The following MYO5A variants were observed in gnomAD, a reference collection of about 807,000 sequenced individuals.
The protein encoded by MYO5A is unconventional myosin-Va.
MYO5A carries 98 observed loss-of-function variants against 249.7 expected under a neutral mutation model. The observed-to-expected ratio is 0.39, with a 90% CI of 0.33 to 0.46. The LOEUF is 0.46. MYO5A is among the 20% of genes least tolerant of loss of function. MYO5A has a pLI of 0.98. For synonymous variants in MYO5A, 778 were observed against 810.6 expected, an observed-to-expected ratio of 0.96 and a Z score of 0.68; for missense variants, 1,696 against 2,308.8, an observed-to-expected ratio of 0.73 and a Z score of 5.44.
At chr15:52,316,232 A>C (rs7167437) in intron 40 of MYO5A, among the ~76,000 whole-genome samples, 2 of 84,402 alleles carry the variant, frequency 2.4e-5, no homozygotes. Context: ...AGACTCCGTC[A>C]CAAAAAAAAA....
At chr15:52,361,732 T>A (rs1426043443) in intron 24 of MYO5A, among the ~76,000 whole-genome samples, 1 of 152,210 alleles carries the variant, frequency 6.6e-6, no homozygotes, top group Non-Finnish European at 1.5e-5. Flanking sequence ...AGCAACTTCC[T>A]TGTTGGTAAC....
intron 1 of MYO5A, among the ~76,000 whole-genome samples, chr15:52,500,492 G>A (rs372905982): frequency 7.9e-5 from 12 of 151,970 alleles, no homozygotes; most frequent in Non-Finnish European, 1.5e-4. Flanking sequence ...GATTACAGGC[G>A]TGCGCCACCA....
At chr15:52,345,104 G>C (rs560613660) in intron 30 of MYO5A, among the ~76,000 whole-genome samples, 6 of 152,278 alleles carry the variant, frequency 3.9e-5, no homozygotes, top group Middle Eastern at 3.4e-3. Context: ...CCCTTGGATA[G>C]CAAGATCCAC....
intron 28 of MYO5A, among the ~76,000 whole-genome samples, chr15:52,349,230 C>T (rs2039817994): frequency 6.6e-6 from 1 of 152,210 alleles, no homozygotes; most frequent in Admixed American, 6.5e-5. Context: ...TCCCAGAATA[C>T]TCTAGAGGTG....
At chr15:52,389,039 T>A (rs745847572) in intron 13 of MYO5A, among the ~76,000 whole-genome samples, 199 bp downstream of exon 13, 1 of 151,908 alleles carries the variant, frequency 6.6e-6, no homozygotes, top group Non-Finnish European at 1.5e-5. Flanking sequence ...TTCAGAATTA[T>A]AGAACCATAC....
chr15:52,380,959 A>T (rs971486425), intron 16 of MYO5A, among the ~76,000 whole-genome samples: 6 of 152,220 alleles, frequency 3.9e-5, no homozygotes, highest in African/African-American at 1.2e-4. Context: ...ATATTTTTTT[A>T]AAAATTACTA....
In MYO5A at chr15:52,309,663, G is replaced by C. The variant is rs1350279231; in HGVS notation, c.*4033C>G. On this transcript the variant is annotated 3_prime_UTR_variant, in exon 42 of 42. Transcript: ENST00000399233. ...CTACCGTCCATGCTGCTGTGAGGAT[G>C]AAACGAGGTAACAGAGGAAAGCGCC... 1 of 152,260 alleles carries C rather than the reference G, an allele frequency of 6.6e-6. No homozygotes were observed. Among genetic ancestry groups the C allele is most frequent in the Admixed American group, 6.5e-5 (1 of 15,278 alleles). The allele number at this position is 152,260 out of a possible 1,614,324, so 9.4% of individuals were successfully genotyped here. A position where few individuals can be genotyped will look rare whatever the true frequency, so the allele number is the denominator to read the frequency against.
At chr15:52,436,362 T>C (rs1407622738) in intron 1 of MYO5A, among the ~76,000 whole-genome samples, 1 of 152,222 alleles carries the variant, frequency 6.6e-6, no homozygotes, top group East Asian at 1.9e-4. Context: ...GAACACAGTT[T>C]TGTTTGCTCC....
At chr15:52,382,063 C>T (rs1053742590) in intron 16 of MYO5A, among the ~76,000 whole-genome samples, 11 of 152,110 alleles carry the variant, frequency 7.2e-5, no homozygotes, top group South Asian at 4.2e-4. Context: ...CCACTACACC[C>T]GGCTAATTTT....
chr15:52,500,559 G>T (rs1257659059), intron 1 of MYO5A, among the ~76,000 whole-genome samples: 2 of 151,968 alleles, frequency 1.3e-5, no homozygotes, highest in Admixed American at 6.6e-5. Context: ...TGTTAGCTAG[G>T]CTGGTCTCAA....
Position 52,507,803 on chromosome 15 carries a change from C to CAAAAAAAAAAAAAAAA in MYO5A, c.27+20976_27+20977insTTTTTTTTTTTTTTTT, listed in dbSNP as rs146846192. Among the ~76,000 whole-genome samples, 292 of 126,968 alleles carry CAAAAAAAAAAAAAAAA rather than the reference C, an allele frequency of 2.3e-3. 18 individuals are homozygous for CAAAAAAAAAAAAAAAA. The highest frequency in any genetic ancestry group is 8.9e-3 in the Middle Eastern group (2 of 224). 83.3% of individuals were successfully genotyped at this position (126,968 alleles called of 152,430 possible). A position where few individuals can be genotyped will look rare whatever the true frequency, so the allele number is the denominator to read the frequency against. Reference sequence around the variant, plus strand: ...TGAGCAACAGAATGAGACCCTGTCCCCAAAAAAAAAAAAAAAAAGTGTAAT... The same window carrying CAAAAAAAAAAAAAAAA: ...TGAGCAACAGAATGAGACCCTGTCCCAAAAAAAAAAAAAAAACAAAAAAAAAAAAAAAAAGTGTAAT... On this transcript the variant is annotated intron_variant, in intron 1 of 41. Transcript: ENST00000399233.
At chr15:52,525,155 G>C (rs375240341) in intron 1 of MYO5A, among the ~76,000 whole-genome samples, 7 of 152,304 alleles carry the variant, frequency 4.6e-5, no homozygotes, top group African/African-American at 1.7e-4. Flanking sequence ...CAGAAGCAAT[G>C]AGATATCATA....
chr15:52,391,036 C>T (rs540220177), intron 12 of MYO5A, among the ~76,000 whole-genome samples: 9 of 152,058 alleles, frequency 5.9e-5, no homozygotes, highest in African/African-American at 1.7e-4. Flanking sequence ...ATGTATATAC[C>T]TTGGATACTT....
At chr15:52,318,826 A>G (rs1176527980) in intron 39 of MYO5A, among the ~76,000 whole-genome samples, 1 of 152,162 alleles carries the variant, frequency 6.6e-6, no homozygotes, top group Non-Finnish European at 1.5e-5. Context: ...AGGGTTTCCT[A>G]TCAAGAATGT....
At chr15:52,372,101 C>T (rs2041155055) in intron 21 of MYO5A, 23 bp downstream of exon 21, 1 of 1,613,228 alleles carries the variant, frequency 6.2e-7, no homozygotes, top group Non-Finnish European at 8.5e-7. Flanking sequence ...ACTCCACTCT[C>T]AGGGCCCCTT....
At chr15:52,439,615 A>G (rs886561804) in intron 1 of MYO5A, among the ~76,000 whole-genome samples, 6 of 152,188 alleles carry the variant, frequency 3.9e-5, no homozygotes, top group African/African-American at 1.4e-4. Context: ...AATTGGCAAC[A>G]TTCCACAGGC....
chr15:52,378,976 C>T (rs1463013813), intron 18 of MYO5A, among the ~76,000 whole-genome samples: 3 of 152,186 alleles, frequency 2.0e-5, no homozygotes, highest in Non-Finnish European at 4.4e-5. Context: ...TAACACCAAC[C>T]TACATTTCCT....
In MYO5A at chr15:52,408,110, A is replaced by AGAAGATATGATAGTTTCTCTCCTCTTC. The variant is rs745688503; in HGVS notation, c.760_786dup (p.Glu254_Phe262dup). The AGAAGATATGATAGTTTCTCTCCTCTTC allele has an allele frequency of 2.5e-6, 4 of 1,608,054 alleles. No homozygotes were observed. On this transcript the variant is annotated inframe_insertion, in exon 7 of 42. Coordinates refer to ENST00000399233, the MANE Select transcript of MYO5A (RefSeq NM_001382347.1). Reference sequence around the variant, plus strand: ...AACTTTGCTGAGGCACAAAGCTGATAGAAGATATGATAGTTTCTCTCCTCT... The same window carrying AGAAGATATGATAGTTTCTCTCCTCTTC: ...AACTTTGCTGAGGCACAAAGCTGATAGAAGATATGATAGTTTCTCTCCTCTTCGAAGATATGATAGTTTCTCTCCTCT...
In MYO5A at chr15:52,313,470, G is replaced by A; in HGVS notation, c.*226C>T. 1.8e-6 allele frequency: 1 copy of A among 556,632 alleles called. No homozygotes were observed. Among genetic ancestry groups the A allele is most frequent in the Non-Finnish European group, 3.2e-6 (1 of 314,444 alleles). The allele number at this position is 556,632 out of a possible 1,614,324, so 34.5% of individuals were successfully genotyped here. A position where few individuals can be genotyped will look rare whatever the true frequency, so the allele number is the denominator to read the frequency against. ...CCTGTATGTAAACTCACGGTACCTAGTTGGTTAAGGATGAGTGTTGCTATA... is the reference window on the plus strand; with the variant it reads ...CCTGTATGTAAACTCACGGTACCTAATTGGTTAAGGATGAGTGTTGCTATA... On this transcript the variant is annotated 3_prime_UTR_variant, in exon 42 of 42. Coordinates refer to ENST00000399233, the MANE Select transcript of MYO5A (RefSeq NM_001382347.1).
Sources: allele counts gnomAD v4.1 joint callset (sites outside exome capture counted in the v4.1 genomes callset), GRCh38; gene constraint gnomAD v4.1.1; transcripts MANE v1.5; gene names NCBI Gene and HGNC (gene_info 2026-07-23, HGNC 2026-07-21).